The following BAZ1A variants were observed in gnomAD, a reference collection of about 807,000 sequenced individuals.
BAZ1A encodes bromodomain adjacent to zinc finger domain protein 1A.
Under a neutral mutation model 185.2 loss-of-function variants are expected in BAZ1A, and 50 were observed. The ratio of observed to expected loss-of-function variants is 0.27; its 90% CI spans 0.22 to 0.34. BAZ1A has a LOEUF of 0.34. BAZ1A is among the 10% of genes least tolerant of loss of function. The pLI, the probability that BAZ1A is intolerant of heterozygous loss-of-function variation, is 1.00. For missense variants in BAZ1A, 1,356 were observed against 1,839.9 expected, an observed-to-expected ratio of 0.74 and a Z score of 4.81; for synonymous variants, 571 against 615.6, an observed-to-expected ratio of 0.93 and a Z score of 1.07.
intron 5 of BAZ1A, among the ~76,000 whole-genome samples, chr14:34,808,447 G>A (rs888672446): frequency 3.3e-5 from 5 of 152,074 alleles, no homozygotes; most frequent in African/African-American, 9.7e-5. Context: ...GCAGTGAGCC[G>A]AGATCGTGCT....
chr14:34,861,960 T>C, intron 3 of BAZ1A, 84 bp downstream of exon 3: 1 of 1,461,750 alleles, frequency 6.8e-7, no homozygotes. Flanking sequence ...AGGGAAGATT[T>C]CCTTAGGTCA....
intron 4 of BAZ1A, among the ~76,000 whole-genome samples, chr14:34,815,531 C>T (rs1393497616): frequency 2.6e-5 from 4 of 152,122 alleles, no homozygotes; most frequent in African/African-American, 4.8e-5. Flanking sequence ...AACAAGCAAA[C>T]ATCAAATATT....
In BAZ1A at chr14:34,774,474, A is replaced by G. The variant is rs1441665677; in HGVS notation, c.2850T>C (p.Asp950=). The G allele has an allele frequency of 1.9e-6, 3 of 1,599,250 alleles. No homozygotes were observed. The highest frequency in any genetic ancestry group is 2.7e-5 in the African/African-American group (2 of 74,286). ...KFHFSDKPQP[D]SKPTYSRGRS... ...TTCCCCGACTATATGTTGGTTTGCT[A>G]TCAGGCTGAGGTTTGTCTGAAATAG... Residue 950 remains aspartate, a synonymous_variant, in exon 19 of 27, where the codon GAT becomes GAC. Coordinates refer to ENST00000360310, the MANE Select transcript of BAZ1A (RefSeq NM_013448.3).
chr14:34,773,094 G>A (rs567864552), intron 20 of BAZ1A, among the ~76,000 whole-genome samples: 9 of 151,954 alleles, frequency 5.9e-5, no homozygotes, highest in Non-Finnish European at 1.3e-4. Context: ...AAAAAAAAGA[G>A]AGACAGGGTC....
chr14:34,798,484 G>T (rs939321251), intron 9 of BAZ1A, among the ~76,000 whole-genome samples: 10 of 152,172 alleles, frequency 6.6e-5, no homozygotes, highest in African/African-American at 2.4e-4. Context: ...CCAAAGGAAG[G>T]ATAAGGCAGC....
intron 5 of BAZ1A, among the ~76,000 whole-genome samples, chr14:34,808,889 A>G (rs2041889373): frequency 6.6e-6 from 1 of 152,202 alleles, no homozygotes; most frequent in Non-Finnish European, 1.5e-5. Flanking sequence ...AGCTCCTATA[A>G]GTGAATAAAC....
At chr14:34,845,698 TAAA>T in intron 3 of BAZ1A, among the ~76,000 whole-genome samples, 1 of 151,902 alleles carries the variant, frequency 6.6e-6, no homozygotes, top group Non-Finnish European at 1.5e-5. Context: ...CCGTCTCTAC[TAAA>T]AATACAAAAA....
intron 3 of BAZ1A, among the ~76,000 whole-genome samples, chr14:34,857,651 C>T (rs893632807): frequency 2.6e-5 from 4 of 152,206 alleles, no homozygotes; most frequent in Non-Finnish European, 4.4e-5. Flanking sequence ...CTGCTGCCAT[C>T]TGATTCAAAG....
intron 3 of BAZ1A, among the ~76,000 whole-genome samples, chr14:34,834,066 G>C (rs2042292437): frequency 6.6e-6 from 1 of 152,042 alleles, no homozygotes; most frequent in African/African-American, 2.4e-5. Context: ...ATCAAAACCT[G>C]TTAGGTAATT....
intron 2 of BAZ1A, among the ~76,000 whole-genome samples, chr14:34,866,603 T>C (rs554874153): frequency 6.6e-6 from 1 of 152,080 alleles, no homozygotes; most frequent in East Asian, 1.9e-4. Context: ...TGGTATACTT[T>C]TTTCCTCTTT....
At chr14:34,837,814 CACAA>C (rs1467445343) in intron 3 of BAZ1A, among the ~76,000 whole-genome samples, 2 of 152,120 alleles carry the variant, frequency 1.3e-5, no homozygotes, top group African/African-American at 4.8e-5. Flanking sequence ...AGCCTATTGA[CACAA>C]ACATGTAAGA....
chr14:34,790,853 G>A (rs189727681), intron 12 of BAZ1A, among the ~76,000 whole-genome samples: 3 of 152,110 alleles, frequency 2.0e-5, no homozygotes, highest in Non-Finnish European at 2.9e-5. Context: ...ACCTGGGTGC[G>A]GTGTCTCAAG....
chr14:34,845,233 T>A (rs1282382981), intron 3 of BAZ1A: 1 of 151,864 alleles, frequency 6.6e-6, no homozygotes, highest in Non-Finnish European at 1.5e-5. Flanking sequence ...TTATTTAAAA[T>A]TATTTTACAC....
chr14:34,799,883 T>C (rs1166155760), intron 9 of BAZ1A, among the ~76,000 whole-genome samples: 2 of 152,210 alleles, frequency 1.3e-5, no homozygotes, highest in Non-Finnish European at 2.9e-5. Flanking sequence ...GTGCTGGGAT[T>C]ACAGGTGTGA....
In BAZ1A at chr14:34,780,211, T is replaced by C. The variant is rs765848099; in HGVS notation, c.2211A>G (p.Pro737=). 4 of 1,613,686 alleles carry C rather than the reference T, an allele frequency of 2.5e-6. No individual in the cohort carries two copies. The African/African-American group carries it at 5.3e-5, about 22-fold the overall frequency. The part of the protein sequence containing the change: ...QDMVTEDEDD[P]GSHKRGRRGK... ...CCCTTCTGCCTCTTTTATGTGATCC[T>C]GGGTCATCTTCATCTTCAGTGACCA... The change falls in exon 17 of 27, where the codon CCA becomes CCG. Residue 737 remains proline (P), a synonymous_variant. Transcript: ENST00000360310.
chr14:34,820,826 TCTA>T (rs1175582461), intron 4 of BAZ1A, among the ~76,000 whole-genome samples: 10 of 152,180 alleles, frequency 6.6e-5, no homozygotes, highest in African/African-American at 2.4e-4. Flanking sequence ...CTATCTTTTC[TCTA>T]CTGTTTTGCC....
intron 4 of BAZ1A, 61 bp from the exon 5 acceptor site, chr14:34,811,097 G>T: frequency 8.3e-7 from 1 of 1,208,784 alleles, no homozygotes; most frequent in Admixed American, 2.3e-5. Context: ...AATTTTAAAT[G>T]AAAACCTAGT....
intron 3 of BAZ1A, among the ~76,000 whole-genome samples, chr14:34,858,326 C>T (rs933794065): frequency 1.3e-5 from 2 of 152,032 alleles, no homozygotes; most frequent in Admixed American, 6.6e-5. Context: ...GGCGTGATCT[C>T]GGTTCACTGC....
intron 2 of BAZ1A, among the ~76,000 whole-genome samples, chr14:34,869,843 T>C (rs1400948831): frequency 1.3e-5 from 2 of 152,178 alleles, no homozygotes; most frequent in Non-Finnish European, 1.5e-5. Context: ...AAAGAAATGA[T>C]ATTGAGTGAC....
Sources: gnomAD v4.1 joint callset for allele counts (sites outside exome capture counted in the v4.1 genomes callset) on GRCh38, gnomAD v4.1.1 for gene constraint, MANE v1.5 for transcripts, NCBI Gene and HGNC (gene_info 2026-07-23, HGNC 2026-07-21) for gene names.